PHACTR4: variants seen among roughly 807,000 people sequenced by gnomAD.
PHACTR4 encodes phosphatase and actin regulator 4.
In PHACTR4, 51 loss-of-function variants were observed where a neutral mutation model predicts 72.7. The observed-to-expected ratio is 0.70, with a 90% CI of 0.56 to 0.89. The LOEUF is 0.89. Among genes scored for constraint, PHACTR4 ranks in the 40% least tolerant of loss-of-function variants. PHACTR4 has a pLI of 0.00. For synonymous variants in PHACTR4, 255 were observed against 302.5 expected (o/e 0.84, Z 1.63); for missense variants, 731 against 861.8 (o/e 0.85, Z 1.90).
intron 1 of PHACTR4, among the ~76,000 whole-genome samples, chr1:28,400,975 G>T (rs1653903246): frequency 6.6e-6 from 1 of 152,158 alleles, no homozygotes; most frequent in Non-Finnish European, 1.5e-5. Flanking sequence ...TGGCTGTCTT[G>T]AGTAATCACC....
chr1:28,435,034 G>C (rs571149678), intron 2 of PHACTR4, among the ~76,000 whole-genome samples: 246 of 152,186 alleles, frequency 1.6e-3, no homozygotes, highest in Non-Finnish European at 2.7e-3. Flanking sequence ...AATATTCAAG[G>C]TAATGCTTTT....
chr1:28,399,546 G>A (rs987088954), intron 1 of PHACTR4, among the ~76,000 whole-genome samples: 3 of 151,914 alleles, frequency 2.0e-5, no homozygotes, highest in African/African-American at 7.3e-5. Flanking sequence ...TTTCTTGTTG[G>A]TCTCGGACTA....
Position 28,407,419 on chromosome 1 carries a change from C to T in PHACTR4, c.-29C>T, listed in dbSNP as rs1654426510. 1 of 1,590,500 alleles carries T rather than the reference C, an allele frequency of 6.3e-7. No homozygotes were observed. The highest frequency in any genetic ancestry group is 1.7e-4 in the Middle Eastern group (1 of 6,006). On this transcript the variant is annotated 5_prime_UTR_variant, in exon 2 of 14. Coordinates refer to ENST00000373839, the MANE Select transcript of PHACTR4 (RefSeq NM_001048183.3). ...CTTTTTCTCTTTTTAGAAACAGTAT[C>T]TCACCTCCCTAAACTGGTTAATAGT... is the stretch of plus-strand genomic sequence containing the variant.
chr1:28,401,338 G>A (rs758947381), intron 1 of PHACTR4, among the ~76,000 whole-genome samples: 6 of 133,862 alleles, frequency 4.5e-5, no homozygotes, highest in Admixed American at 8.3e-5. Context: ...ATGGAGTCTC[G>A]CTCTGTCACC....
intron 2 of PHACTR4, among the ~76,000 whole-genome samples, chr1:28,414,331 G>A (rs1654966388): frequency 6.6e-6 from 1 of 150,938 alleles, no homozygotes; most frequent in Non-Finnish European, 1.5e-5. Flanking sequence ...CTACCAAAGT[G>A]CTGAGATTAC....
At chr1:28,450,974 C>CTTTTTTTATTTTTTTTTTTTTTTTTTTTT (rs1657915325) in intron 2 of PHACTR4, among the ~76,000 whole-genome samples, 1 of 72,076 alleles carries the variant, frequency 1.4e-5, no homozygotes. Context: ...CCACACCCAG[C>CTTTTTTTATTTTTTTTTTTTTTTTTTTTT]TTTTTTTTTT....
intron 1 of PHACTR4, among the ~76,000 whole-genome samples, chr1:28,400,142 G>A (rs1653834082): frequency 6.6e-6 from 1 of 152,162 alleles, no homozygotes; most frequent in Admixed American, 6.6e-5. Context: ...GGAGGCCAAG[G>A]TGGGCAGATC....
At chr1:28,457,308 A>G in intron 2 of PHACTR4, 2 of 448,520 alleles carry the variant, frequency 4.5e-6, no homozygotes, top group South Asian at 3.2e-5. Flanking sequence ...TTTAAAAGAG[A>G]GAGAGGCCAG....
intron 2 of PHACTR4, among the ~76,000 whole-genome samples, chr1:28,430,967 G>A (rs753250937): frequency 6.6e-6 from 1 of 151,570 alleles, no homozygotes; most frequent in Non-Finnish European, 1.5e-5. Flanking sequence ...CACGAGGTCG[G>A]GAGATCGAGA....
chr1:28,388,153 A>G (rs7546271), intron 1 of PHACTR4, among the ~76,000 whole-genome samples: 58,435 of 151,550 alleles, frequency 0.39, 12,960 homozygotes, highest in African/African-American at 0.6. Context: ...TGGTGCCATT[A>G]TGCTGCAGCC....
intron 8 of PHACTR4, among the ~76,000 whole-genome samples, chr1:28,476,687 G>A (rs1271342881): frequency 6.6e-6 from 1 of 151,102 alleles, no homozygotes; most frequent in Non-Finnish European, 1.5e-5. Context: ...ACAGATGTGT[G>A]CCACAACTGG....
At chr1:28,392,318 A>G (rs1270863122) in intron 1 of PHACTR4, among the ~76,000 whole-genome samples, 4 of 152,154 alleles carry the variant, frequency 2.6e-5, no homozygotes, top group African/African-American at 9.7e-5. Flanking sequence ...CTCGTGTTCA[A>G]GTAACCCTTA....
At chr1:28,370,623 A>AAAAAAAAAC (rs1651168129) in intron 1 of PHACTR4, among the ~76,000 whole-genome samples, 3 of 151,122 alleles carry the variant, frequency 2.0e-5, no homozygotes, top group Non-Finnish European at 3.0e-5. Context: ...AAAAAAAAAA[A>AAAAAAAAAC]CCCTCCAGTG....
chr1:28,438,789 T>G (rs543151833), intron 2 of PHACTR4, among the ~76,000 whole-genome samples: 1 of 152,292 alleles, frequency 6.6e-6, no homozygotes, highest in Admixed American at 6.5e-5. Flanking sequence ...GATATTTTGT[T>G]AGTATTTTAC....
At chr1:28,408,403 C>G (rs992457654) in intron 2 of PHACTR4, among the ~76,000 whole-genome samples, 8 of 151,916 alleles carry the variant, frequency 5.3e-5, no homozygotes, top group African/African-American at 1.9e-4. Context: ...ACTAAAAATA[C>G]AAAAATTAGC....
At position 28,476,386 on chromosome 1, in the gene PHACTR4, T is replaced by C. The variant is rs1046100224; in HGVS notation, c.1606+95T>C. The C allele has an allele frequency of 5.5e-6, 7 of 1,278,378 alleles. No individual in the cohort carries two copies. In the African/African-American group the frequency reaches 9.2e-5, roughly 17 times the overall value. The allele number at this position is 1,278,378 out of a possible 1,614,324, so 79.2% of individuals were successfully genotyped here. A position where few individuals can be genotyped will look rare whatever the true frequency, so the allele number is the denominator to read the frequency against. On this transcript the variant is annotated intron_variant, in intron 8 of 13. Transcript: ENST00000373839. Reference sequence around the variant, plus strand: ...GTGTCAAAAGAGATATGGAAACAGGTACCTTCTCCCATTAAGTCATCTGGC... The same window carrying C: ...GTGTCAAAAGAGATATGGAAACAGGCACCTTCTCCCATTAAGTCATCTGGC...
intron 9 of PHACTR4, among the ~76,000 whole-genome samples, chr1:28,484,190 G>A (rs779065081): frequency 1.5e-4 from 23 of 152,036 alleles, no homozygotes; most frequent in Non-Finnish European, 2.9e-4. Flanking sequence ...GCGTGGTGGC[G>A]CCCACCTGTA....
chr1:28,478,440 T>C (rs1660059675), intron 8 of PHACTR4, among the ~76,000 whole-genome samples: 2 of 150,782 alleles, frequency 1.3e-5, no homozygotes, highest in African/African-American at 4.9e-5. Flanking sequence ...GTAGTTCTAT[T>C]TTTTTTTTAA....
At chr1:28,479,857 C>T (rs1233167330) in intron 8 of PHACTR4, among the ~76,000 whole-genome samples, 2 of 152,198 alleles carry the variant, frequency 1.3e-5, no homozygotes, top group East Asian at 1.9e-4. Flanking sequence ...CGTGACACTG[C>T]ACTCCAGCCT....
Sources: allele counts gnomAD v4.1 joint callset (sites outside exome capture counted in the v4.1 genomes callset), GRCh38; gene constraint gnomAD v4.1.1; transcripts MANE v1.5; gene names NCBI Gene and HGNC (gene_info 2026-07-23, HGNC 2026-07-21).